DNAH6: variants seen among roughly 807,000 people sequenced by gnomAD.
DNAH6 encodes the protein dynein axonemal heavy chain 6, also known as axonemal beta dynein heavy chain 6.
DNAH6 carries 340 observed loss-of-function variants against 491.4 expected under a neutral mutation model. The ratio of observed to expected loss-of-function variants is 0.69; its 90% confidence interval spans 0.63 to 0.76. The LOEUF is 0.76. Ranked by LOEUF, DNAH6 falls within the 30% of genes least tolerant of loss-of-function variation. The probability of loss-of-function intolerance (pLI) is 0.00; values close to 1 mark genes in which losing one functional copy is unlikely to be tolerated. For missense variants in DNAH6, 4,443 were observed against 4,972.2 expected (o/e 0.89, Z 3.20); for synonymous variants, 1,603 against 1,686.1 (o/e 0.95, Z 1.21).
chr2:84,566,545 C>G (rs1394262083), intron 11 of DNAH6, among the ~76,000 whole-genome samples: 1 of 151,802 alleles, frequency 6.6e-6, no homozygotes, highest in East Asian at 1.9e-4. Context: ...TTAATACATG[C>G]CAATAAAAAT....
intron 69 of DNAH6, 120 bp downstream of exon 69, chr2:84,796,545 C>T (rs1406478925): frequency 2.5e-5 from 19 of 770,260 alleles, no homozygotes; most frequent in Middle Eastern, 2.5e-4. Context: ...ATAGCCACAC[C>T]CTATCCCCAT....
intron 71 of DNAH6, among the ~76,000 whole-genome samples, chr2:84,807,007 C>G (rs1679485531): frequency 6.6e-6 from 1 of 152,190 alleles, no homozygotes. Flanking sequence ...AGACCATGCA[C>G]TTGTTTGGTA....
intron 4 of DNAH6, among the ~76,000 whole-genome samples, chr2:84,530,066 A>G (rs976419646): frequency 6.6e-6 from 1 of 152,240 alleles, no homozygotes; most frequent in South Asian, 2.1e-4. Context: ...TCGTTCAGCA[A>G]AATTTATTGA....
At chr2:84,597,719 C>T (rs1246742894) in intron 18 of DNAH6, among the ~76,000 whole-genome samples, 2 of 152,170 alleles carry the variant, frequency 1.3e-5, no homozygotes, top group African/African-American at 4.8e-5. Flanking sequence ...AAATTTCCAT[C>T]AATTAATAAA....
chr2:84,680,967 A>G (rs1183802164), intron 41 of DNAH6, among the ~76,000 whole-genome samples: 3 of 152,158 alleles, frequency 2.0e-5, no homozygotes, highest in Non-Finnish European at 4.4e-5. Flanking sequence ...TAAAATATAC[A>G]TGAAGATGAA....
Position 84,663,310 on chromosome 2 carries a change from A to G in DNAH6, c.6084+4141A>G, listed in dbSNP as rs571295001. Among the ~76,000 whole-genome samples the G allele has an allele frequency of 3.5e-4, 53 of 152,322 alleles. 1 individual carries two copies. The South Asian group carries it at 0.011, about 30-fold the overall frequency. Reference sequence around the variant, plus strand: ...ACAAACTCCTCCGAGCTAAAGGAGGATGTTCAAACCCATCACAAAGAATCT... The same window carrying G: ...ACAAACTCCTCCGAGCTAAAGGAGGGTGTTCAAACCCATCACAAAGAATCT... On this transcript the variant is annotated intron_variant, in intron 37 of 76. Coordinates refer to ENST00000389394, the MANE Select transcript of DNAH6 (RefSeq NM_001370.2).
chr2:84,465,608 A>C, the DNAH6 span, among the ~76,000 whole-genome samples: 4 of 152,220 alleles, frequency 2.6e-5, no homozygotes, highest in African/African-American at 9.7e-5. Flanking sequence ...TATTCCAAGA[A>C]AACTAAATTA....
At chr2:84,728,678 A>G (rs1698872572) in intron 61 of DNAH6, among the ~76,000 whole-genome samples, 2 of 152,200 alleles carry the variant, frequency 1.3e-5, no homozygotes, top group African/African-American at 4.8e-5. Context: ...GTATCTCATT[A>G]TAAAGCATGG....
At chr2:84,774,911 A>G (rs1573771180) in intron 64 of DNAH6, among the ~76,000 whole-genome samples, 2 of 152,076 alleles carry the variant, frequency 1.3e-5, no homozygotes, top group South Asian at 2.1e-4. Flanking sequence ...TACTGAAGAC[A>G]TTTATCAGTT....
In DNAH6 at chr2:84,604,503, A is replaced by C; in HGVS notation, c.3033A>C (p.Ile1011=). Residue 1011 remains isoleucine (I), a synonymous_variant, in exon 19 of 77, where the codon ATA becomes ATC. Transcript: ENST00000389394. ...VFDFGQEIQD[I]SGQASGEAAL... is the part of the protein sequence containing the mutation. ...ACTTTGGTCAAGAAATCCAGGACATATCTGGACAGGCTTCTGGAGAAGCTG... is the reference window on the plus strand; with the variant it reads ...ACTTTGGTCAAGAAATCCAGGACATCTCTGGACAGGCTTCTGGAGAAGCTG... 6.4e-7 allele frequency: 1 copy of C among 1,551,740 alleles called. No homozygotes were observed. The highest frequency in any genetic ancestry group is 8.7e-7 in the Non-Finnish European group (1 of 1,146,990).
chr2:84,707,038 T>G lies in DNAH6; in HGVS notation c.8851+19T>G. ...AGCCTGGGTAAGTAACTCATAAAAT[T>G]TACATTGGCCAGGAAATGCCTGATT... is the stretch of plus-strand genomic sequence containing the variant. On this transcript the variant is annotated intron_variant, in intron 53 of 76. Coordinates refer to ENST00000389394, the MANE Select transcript of DNAH6 (RefSeq NM_001370.2). The G allele has an allele frequency of 6.7e-7, 1 of 1,500,940 alleles. No individual in the cohort carries two copies. The highest frequency in any genetic ancestry group is 8.8e-7 in the Non-Finnish European group (1 of 1,133,418). The allele number at this position is 1,500,940 out of a possible 1,614,324, so 93.0% of individuals were successfully genotyped here. A position where few individuals can be genotyped will look rare whatever the true frequency, so the allele number is the denominator to read the frequency against.
chr2:84,727,722 C>A lies in DNAH6; in HGVS notation c.10026C>A (p.Arg3342=). 1 of 1,551,578 alleles carries A rather than the reference C, an allele frequency of 6.4e-7. No homozygotes were observed. Among genetic ancestry groups the A allele is most frequent in the Non-Finnish European group, 8.7e-7 (1 of 1,146,888 alleles). ...TAAAGACAGAAAATCTACAACAGCG[C>A]CTGGACGTACTACTAGAACAAACTC... ...TSVKTENLQQ[R]LDVLLEQTLL... Residue 3342 remains arginine (R), a synonymous_variant, in exon 61 of 77, where the codon CGC becomes CGA. Coordinates refer to ENST00000389394, the MANE Select transcript of DNAH6 (RefSeq NM_001370.2).
At chr2:84,732,293 T>C (rs1191486819) in intron 61 of DNAH6, among the ~76,000 whole-genome samples, 2 of 152,202 alleles carry the variant, frequency 1.3e-5, no homozygotes, top group African/African-American at 2.4e-5. Context: ...ATTTCCATTA[T>C]ACTTACTGGT....
At position 84,654,830 on chromosome 2, in the gene DNAH6, T is replaced by C. The variant is rs1690792215; in HGVS notation, c.5757+48T>C. On this transcript the variant is annotated intron_variant, in intron 35 of 76. Coordinates refer to ENST00000389394, the MANE Select transcript of DNAH6 (RefSeq NM_001370.2). ...CAATATCTCCATCTGTCAGGACTCA[T>C]GTTGCCTTCTAGTGCACAAATAACA... 15 of 1,543,740 alleles carry C rather than the reference T, an allele frequency of 9.7e-6. 1 individual carries two copies. The highest frequency in any genetic ancestry group is 9.6e-5 in the African/African-American group (7 of 72,944).
chr2:84,735,267 A>G lies in DNAH6; in HGVS notation c.10342+1688A>G, dbSNP rs544747768. On this transcript the variant is annotated intron_variant, in intron 62 of 76. Transcript: ENST00000389394. ...TGGTTGCATAGTATTCCATGTGTATATATACCACATTTTCTTTGTCCAGTT... is the reference window on the plus strand; with the variant it reads ...TGGTTGCATAGTATTCCATGTGTATGTATACCACATTTTCTTTGTCCAGTT... Among the ~76,000 whole-genome samples the G allele has an allele frequency of 3.9e-5, 6 of 152,310 alleles. No individual in the cohort carries two copies. The South Asian group carries it at 1.0e-3, about 26-fold the overall frequency.
intron 62 of DNAH6, 94 bp downstream of exon 62, chr2:84,733,673 C>A: frequency 2.6e-6 from 3 of 1,156,312 alleles, no homozygotes; most frequent in Admixed American, 3.1e-5. Context: ...GTAATGTCAG[C>A]ATTTTTCACT....
chr2:84,743,656 T>C (rs1672712458), intron 62 of DNAH6, among the ~76,000 whole-genome samples: 1 of 152,160 alleles, frequency 6.6e-6, no homozygotes, highest in Non-Finnish European at 1.5e-5. Flanking sequence ...ATCCCATCTC[T>C]ACTAAAATAC....
intron 32 of DNAH6, 55 bp downstream of exon 32, chr2:84,640,633 T>C: frequency 6.7e-7 from 1 of 1,485,524 alleles, no homozygotes; most frequent in East Asian, 2.5e-5. Context: ...TCAAATGCAT[T>C]AAATGGGTAA....
intron 62 of DNAH6, among the ~76,000 whole-genome samples, chr2:84,737,658 G>A (rs1291290486): frequency 2.0e-5 from 3 of 151,706 alleles, no homozygotes; most frequent in African/African-American, 7.3e-5. Flanking sequence ...TTTATATTTC[G>A]GGGGGATCAT....
Sources: gnomAD v4.1 joint callset for allele counts (sites outside exome capture counted in the v4.1 genomes callset) on GRCh38, gnomAD v4.1.1 for gene constraint, MANE v1.5 for transcripts, NCBI Gene and HGNC (gene_info 2026-07-23, HGNC 2026-07-21) for gene names.